NRXN1: variants seen among roughly 807,000 people sequenced by gnomAD.
NRXN1 encodes neurexin-1.
A neutral mutation model predicts 150.9 loss-of-function variants in NRXN1; 39 were observed. The observed-to-expected ratio is 0.26, with a 90% CI of 0.20 to 0.34. The LOEUF (loss-of-function observed/expected upper bound fraction) is 0.34. Among genes scored for constraint, NRXN1 ranks in the 10% least tolerant of loss-of-function variants. The pLI, the probability that NRXN1 is intolerant of heterozygous loss-of-function variation, is 1.00. For missense variants in NRXN1, 1,815 were observed against 1,949.9 expected (o/e 0.93, Z 1.30); for synonymous variants, 924 against 757.0 (o/e 1.22, Z -3.62).
intron 18 of NRXN1, among the ~76,000 whole-genome samples, chr2:50,115,672 G>A (rs1435604029): frequency 6.6e-6 from 1 of 151,940 alleles, no homozygotes; most frequent in Non-Finnish European, 1.5e-5. Context: ...AATTCAGTTG[G>A]ACAAAAGCAA....
chr2:49,926,557 A>T (rs1188399598), intron 22 of NRXN1, among the ~76,000 whole-genome samples: 1 of 152,216 alleles, frequency 6.6e-6, no homozygotes, highest in East Asian at 1.9e-4. Context: ...TTCAGATGAT[A>T]ATTCATTGTG....
rs762677444 is a variant in NRXN1 at position 50,815,071 on chromosome 2, T to C, written c.832+106798A>G. Among the ~76,000 whole-genome samples, 9 of 152,160 alleles carry C rather than the reference T, an allele frequency of 5.9e-5. 1 individual carries two copies. The highest frequency in any genetic ancestry group is 8.8e-5 in the Non-Finnish European group (6 of 68,022). ...ATCAGATGAACTGACATACTCTTTT[T>C]TTTTTCCTTTTTGCCTCTTCGCTTT... On this transcript the variant is annotated intron_variant, in intron 5 of 22. Coordinates refer to ENST00000401669, the MANE Select transcript of NRXN1 (RefSeq NM_001330078.2).
intron 21 of NRXN1, among the ~76,000 whole-genome samples, chr2:49,999,326 A>G (rs896587079): frequency 6.6e-6 from 1 of 152,140 alleles, no homozygotes; most frequent in Non-Finnish European, 1.5e-5. Context: ...TATCCCTGAC[A>G]CCACCACATA....
At chr2:50,722,197 T>C (rs190126053) in intron 5 of NRXN1, among the ~76,000 whole-genome samples, 1 of 152,180 alleles carries the variant, frequency 6.6e-6, no homozygotes, top group African/African-American at 2.4e-5. Flanking sequence ...TTTACTGCAT[T>C]ATTTCTAGGC....
At chr2:50,036,561 A>G (rs915159251) in intron 21 of NRXN1, among the ~76,000 whole-genome samples, 59 of 152,244 alleles carry the variant, frequency 3.9e-4, no homozygotes, top group African/African-American at 1.3e-3. Context: ...CTTTTTAGCT[A>G]TTAAATTTTA....
chr2:49,934,200 T>C (rs1026670743), intron 22 of NRXN1, among the ~76,000 whole-genome samples: 2 of 152,198 alleles, frequency 1.3e-5, no homozygotes, highest in Non-Finnish European at 2.9e-5. Flanking sequence ...GCAAGGCTTA[T>C]TATGTTGGTA....
intron 13 of NRXN1, among the ~76,000 whole-genome samples, chr2:50,504,140 TAAAAAA>T (rs70948715): frequency 5.3e-5 from 6 of 112,428 alleles, no homozygotes; most frequent in Non-Finnish European, 8.6e-5. Context: ...ACATGACAAC[TAAAAAA>T]AAAAAAAAAA....
intron 5 of NRXN1, among the ~76,000 whole-genome samples, chr2:50,866,068 T>C: frequency 6.6e-6 from 1 of 151,842 alleles, no homozygotes; most frequent in Non-Finnish European, 1.5e-5. Flanking sequence ...GCCAAATTGG[T>C]CTGTCTCTGG....
chr2:50,216,589 T>G (rs1316289260), intron 18 of NRXN1, among the ~76,000 whole-genome samples: 1 of 152,000 alleles, frequency 6.6e-6, no homozygotes, highest in African/African-American at 2.4e-5. Flanking sequence ...GACTGAGACA[T>G]GCCAACAGAT....
At chr2:50,735,333 C>A (rs1049548834) in intron 5 of NRXN1, among the ~76,000 whole-genome samples, 1 of 151,412 alleles carries the variant, frequency 6.6e-6, no homozygotes, top group Non-Finnish European at 1.5e-5. Flanking sequence ...CAAAGATTAA[C>A]ACAAATAGCA....
At chr2:50,112,826 T>A (rs1220616075) in intron 18 of NRXN1, among the ~76,000 whole-genome samples, 4 of 152,042 alleles carry the variant, frequency 2.6e-5, no homozygotes, top group Admixed American at 6.5e-5. Context: ...CTTTATCAAA[T>A]TAAGTACTCA....
intron 17 of NRXN1, among the ~76,000 whole-genome samples, chr2:50,350,368 T>C (rs1435117515): frequency 6.6e-6 from 1 of 152,152 alleles, no homozygotes; most frequent in Non-Finnish European, 1.5e-5. Context: ...AACAGCAAAG[T>C]CACCAACGTA....
In NRXN1 at chr2:50,679,093, C is replaced by T. The variant is rs112620562; in HGVS notation, c.833-55478G>A. ...AGGCACATGCTTAACATGGATCGGG[C>T]TACATTGAGATTTTCTTCTTGGAAG... is the stretch of plus-strand genomic sequence containing the variant. On this transcript the variant is annotated intron_variant, in intron 5 of 22. Coordinates refer to ENST00000401669, the MANE Select transcript of NRXN1 (RefSeq NM_001330078.2). 7.5e-3 allele frequency among the ~76,000 whole-genome samples: 1,137 copies of T among 152,026 alleles called. 18 individuals carry two copies. Among genetic ancestry groups the T allele is most frequent in the African/African-American group, 0.026 (1,087 of 41,464 alleles).
intron 2 of NRXN1, among the ~76,000 whole-genome samples, chr2:50,965,141 A>G (rs1693855054): frequency 6.6e-6 from 1 of 151,290 alleles, no homozygotes; most frequent in African/African-American, 2.4e-5. Context: ...TAACATCACA[A>G]TTGATTATAT....
rs11904523 is a variant in NRXN1 at position 50,066,570 on chromosome 2, C to A, written c.3719-11526G>T. On this transcript the variant is annotated intron_variant, in intron 19 of 22. Transcript: ENST00000401669. ...CAAAAGGTTGACAATTGATCATTAT[C>A]CTGAACTTCATAATGCTATTCACCC... Among the ~76,000 whole-genome samples, 776 of 152,138 alleles carry A rather than the reference C, an allele frequency of 5.1e-3. 6 individuals are homozygous for A. The highest frequency in any genetic ancestry group is 0.018 in the African/African-American group (746 of 41,490).
rs145909342 is a variant in NRXN1 at position 50,787,311 on chromosome 2, A to G, written c.832+134558T>C. ...GCTGTGGCTCATGCCTGTAATCCCA[A>G]CACTTTGGGAGGCCGAGGTGAGTGG... On this transcript the variant is annotated intron_variant, in intron 5 of 22. Coordinates refer to ENST00000401669, the MANE Select transcript of NRXN1 (RefSeq NM_001330078.2). Among the ~76,000 whole-genome samples, 848 of 151,960 alleles carry G rather than the reference A, an allele frequency of 5.6e-3. 7 individuals are homozygous for G. The highest frequency in any genetic ancestry group is 0.02 in the African/African-American group (817 of 41,488).
chr2:50,630,921 G>A (rs1219362287), intron 5 of NRXN1, among the ~76,000 whole-genome samples: 1 of 151,634 alleles, frequency 6.6e-6, no homozygotes, highest in Non-Finnish European at 1.5e-5. Flanking sequence ...AATAAGCCAG[G>A]CTGTCTCTGC....
chr2:50,065,809 C>T (rs1328780378), intron 19 of NRXN1, among the ~76,000 whole-genome samples: 1 of 152,068 alleles, frequency 6.6e-6, no homozygotes, highest in Non-Finnish European at 1.5e-5. Flanking sequence ...GCTTTTTGGA[C>T]GTTGAACCTC....
At chr2:50,535,651 T>G (rs577253529) in intron 10 of NRXN1, among the ~76,000 whole-genome samples, 3 of 152,222 alleles carry the variant, frequency 2.0e-5, no homozygotes, top group Non-Finnish European at 4.4e-5. Flanking sequence ...TAAATTTAAC[T>G]TTTATTCATT....
Sources: gnomAD v4.1 joint callset for allele counts (sites outside exome capture counted in the v4.1 genomes callset) on GRCh38, gnomAD v4.1.1 for gene constraint, MANE v1.5 for transcripts, NCBI Gene and HGNC (gene_info 2026-07-23, HGNC 2026-07-21) for gene names.